SOS1: variants seen among roughly 807,000 people sequenced by gnomAD.
SOS1 encodes the protein son of sevenless homolog 1.
SOS1 carries 25 observed loss-of-function variants against 157.6 expected under a neutral mutation model. The observed-to-expected ratio is 0.16, with a 90% CI of 0.12 to 0.22. The LOEUF is 0.22. Among genes scored for constraint, SOS1 ranks in the 10% least tolerant of loss-of-function variants. SOS1 has a pLI of 1.00. For synonymous variants in SOS1, 528 were observed against 534.0 expected, an observed-to-expected ratio of 0.99 and a Z score of 0.16; for missense variants, 1,237 against 1,599.1, an observed-to-expected ratio of 0.77 and a Z score of 3.86.
In SOS1 at chr2:38,997,313, T is replaced by C. The variant is rs199989870; in HGVS notation, c.2904A>G (p.Thr968=). 4 of 1,613,170 alleles carry C rather than the reference T, an allele frequency of 2.5e-6. No homozygotes were observed. The Admixed American group carries it at 5.0e-5, about 20-fold the overall frequency. ...FSKRRKVAEI[T]GEIQQYQNQP... ...GATTTTGGTACTGCTGGATCTCTCC[T>C]GTTATTTCTGCTACTTTCCTCCTTT... Residue 968 remains threonine (T), a synonymous_variant, in exon 18 of 23, where the codon ACA becomes ACG. Coordinates refer to ENST00000402219, the MANE Select transcript of SOS1 (RefSeq NM_005633.4).
intron 22 of SOS1, among the ~76,000 whole-genome samples, 175 bp from the exon 23 acceptor site, chr2:38,986,490 A>G (rs1253344388): frequency 1.3e-5 from 2 of 151,804 alleles, no homozygotes; most frequent in Non-Finnish European, 2.9e-5. Flanking sequence ...TTTTGAGACA[A>G]TGCCTTGCTC....
intron 10 of SOS1, among the ~76,000 whole-genome samples, chr2:39,017,371 G>C (rs1439393252): frequency 1.3e-5 from 2 of 151,982 alleles, no homozygotes; most frequent in Non-Finnish European, 2.9e-5. Context: ...GCTAATCTTG[G>C]TTAAAGGCAC....
intron 1 of SOS1, chr2:39,082,582 G>A (rs1316240061): frequency 1.3e-5 from 2 of 152,196 alleles, no homozygotes; most frequent in African/African-American, 4.8e-5. Context: ...GCTCAAAAAA[G>A]AGCTTAGTGC....
intron 1 of SOS1, among the ~76,000 whole-genome samples, chr2:39,070,384 A>G (rs1013321692): frequency 1.3e-5 from 2 of 151,930 alleles, no homozygotes; most frequent in African/African-American, 4.8e-5. Context: ...ACTCTATTCA[A>G]TTTCTTCCCT....
chr2:38,995,131 A>G lies in SOS1; in HGVS notation c.3338T>C (p.Phe1113Ser). ...SVFDSDHSSP[F>S]HSSNDTVFIQ... ...AGAATTTTTGCACCTACTTGAGTGAAAAGGGCTCGAATGATCGGAATCAAA... is the reference window on the plus strand; with the variant it reads ...AGAATTTTTGCACCTACTTGAGTGAGAAGGGCTCGAATGATCGGAATCAAA... Residue 1113 changes from phenylalanine to serine, a missense_variant, in exon 20 of 23, where the codon TTT becomes TCT. This residue lies in a region of SOS1 where 306 missense variants were observed against 322.6 expected (regional missense o/e 0.95). Transcript: ENST00000402219. The G allele has an allele frequency of 6.2e-7, 1 of 1,613,974 alleles. No individual in the cohort carries two copies. The highest frequency in any genetic ancestry group is 8.5e-7 in the Non-Finnish European group (1 of 1,179,904).
chr2:39,002,115 G>C (rs1216970825), intron 17 of SOS1, among the ~76,000 whole-genome samples: 1 of 152,106 alleles, frequency 6.6e-6, no homozygotes, highest in Non-Finnish European at 1.5e-5. Context: ...TCAGGAGTTT[G>C]AGACCAGCCT....
chr2:39,086,081 T>C lies in SOS1; in HGVS notation c.88-18328A>G, dbSNP rs140378660. On this transcript the variant is annotated intron_variant, in intron 1 of 22. Transcript: ENST00000402219. ...ATATTACATACCAATATATTGCCAA[T>C]CTTTAATAAACGTTACCTGTAGCCA... Among the ~76,000 whole-genome samples the C allele has an allele frequency of 1.6e-3, 244 of 152,318 alleles. 2 individuals are homozygous for C. Among genetic ancestry groups the C allele is most frequent in the African/African-American group, 5.3e-3 (222 of 41,564 alleles).
intron 10 of SOS1, among the ~76,000 whole-genome samples, chr2:39,020,979 T>C (rs1190559409): frequency 6.6e-6 from 1 of 151,772 alleles, no homozygotes; most frequent in Non-Finnish European, 1.5e-5. Flanking sequence ...ACATTTTTTT[T>C]AAGTAAAATA....
At chr2:39,051,360 G>T in intron 5 of SOS1, 73 bp from the exon 6 acceptor site, 1 of 1,377,624 alleles carries the variant, frequency 7.3e-7, no homozygotes, top group Non-Finnish European at 1.0e-6. Context: ...GAGCCAATAA[G>T]TCATTTTATA....
intron 1 of SOS1, among the ~76,000 whole-genome samples, chr2:39,073,077 T>C (rs1316520928): frequency 6.6e-6 from 1 of 152,212 alleles, no homozygotes; most frequent in African/African-American, 2.4e-5. Flanking sequence ...TTCCATGAGA[T>C]AGTGTTACAG....
chr2:39,080,977 G>A (rs1464979895), intron 1 of SOS1, among the ~76,000 whole-genome samples: 1 of 151,980 alleles, frequency 6.6e-6, no homozygotes, highest in Non-Finnish European at 1.5e-5. Context: ...CTTGAGCCTA[G>A]GAGTTCAAGA....
chr2:39,073,285 A>C (rs151325295), intron 1 of SOS1, among the ~76,000 whole-genome samples: 87 of 152,348 alleles, frequency 5.7e-4, no homozygotes, highest in Non-Finnish European at 1.1e-3. Flanking sequence ...GGACTAAACT[A>C]TGTGGGTTTT....
chr2:39,095,627 T>G, intron 1 of SOS1, among the ~76,000 whole-genome samples: 1 of 152,194 alleles, frequency 6.6e-6, no homozygotes, highest in East Asian at 1.9e-4. Flanking sequence ...TTCTCTATTC[T>G]AGTCAAAATT....
chr2:39,033,299 G>C (rs1185570363), intron 8 of SOS1, among the ~76,000 whole-genome samples: 1 of 150,856 alleles, frequency 6.6e-6, no homozygotes, highest in Non-Finnish European at 1.5e-5. Flanking sequence ...TGCTAACTTT[G>C]CAATATAACT....
At chr2:39,041,064 G>GT (rs1337656515) in intron 6 of SOS1, among the ~76,000 whole-genome samples, 1 of 152,026 alleles carries the variant, frequency 6.6e-6, no homozygotes, top group Non-Finnish European at 1.5e-5. Context: ...ACTGCATAAT[G>GT]TTTTTTCTTT....
intron 1 of SOS1, among the ~76,000 whole-genome samples, chr2:39,102,775 T>C (rs1673020430): frequency 6.6e-6 from 1 of 151,898 alleles, no homozygotes; most frequent in Non-Finnish European, 1.5e-5. Flanking sequence ...CAAAACCCTG[T>C]CTTACCAAAA....
At chr2:39,066,526 G>A (rs1210581409) in intron 2 of SOS1, among the ~76,000 whole-genome samples, 2 of 152,154 alleles carry the variant, frequency 1.3e-5, no homozygotes, top group Non-Finnish European at 2.9e-5. Flanking sequence ...ACTCAGTTTA[G>A]ATGTATCTTT....
At chr2:39,077,967 A>G (rs537203704) in intron 1 of SOS1, among the ~76,000 whole-genome samples, 2 of 152,362 alleles carry the variant, frequency 1.3e-5, no homozygotes, top group Admixed American at 6.5e-5. Flanking sequence ...ATTAAGAACT[A>G]CTGCTTAATC....
chr2:39,009,842 G>C (rs10439459), intron 15 of SOS1, among the ~76,000 whole-genome samples: 1 of 152,142 alleles, frequency 6.6e-6, no homozygotes, highest in Non-Finnish European at 1.5e-5. Context: ...AAGATGTGTA[G>C]GGTAAACTGT....
Sources: gnomAD v4.1 joint callset for allele counts (sites outside exome capture counted in the v4.1 genomes callset) on GRCh38, gnomAD v4.1.1 for gene constraint, gnomAD v4.1.1 regional missense constraint, MANE v1.5 for transcripts, NCBI Gene and HGNC (gene_info 2026-07-23, HGNC 2026-07-21) for gene names.